SCN8A: variants seen among roughly 807,000 people sequenced by gnomAD.
SCN8A encodes the protein sodium channel protein type 8 subunit alpha.
In SCN8A, 30 loss-of-function variants were observed where a neutral mutation model predicts 184.1. The ratio of observed to expected loss-of-function variants is 0.16; its 90% CI spans 0.12 to 0.22. The LOEUF (loss-of-function observed/expected upper bound fraction) is 0.22. SCN8A is among the 10% of genes least tolerant of loss of function. The pLI, the probability that SCN8A is intolerant of heterozygous loss-of-function variation, is 1.00. For synonymous variants in SCN8A, 852 were observed against 907.0 expected (o/e 0.94, Z 1.09); for missense variants, 1,057 against 2,498.9 (o/e 0.42, Z 12.30).
chr12:51,608,972 T>C (rs181940818), intron 1 of SCN8A, among the ~76,000 whole-genome samples: 4 of 152,346 alleles, frequency 2.6e-5, no homozygotes, highest in Non-Finnish European at 4.4e-5. Flanking sequence ...TAAATTTCCA[T>C]CTTGATTTTG....
At chr12:51,799,693 A>G (rs1356096698) in intron 26 of SCN8A, among the ~76,000 whole-genome samples, 1 of 152,206 alleles carries the variant, frequency 6.6e-6, no homozygotes, top group Non-Finnish European at 1.5e-5. Flanking sequence ...CAAAACTGGC[A>G]GCCTTTCAGG....
intron 21 of SCN8A, among the ~76,000 whole-genome samples, chr12:51,782,987 G>A (rs376590049): frequency 5.3e-5 from 8 of 152,004 alleles, no homozygotes; most frequent in Non-Finnish European, 8.8e-5. Flanking sequence ...GATTTTTTTC[G>A]GTAAGATAAT....
intron 11 of SCN8A, among the ~76,000 whole-genome samples, chr12:51,709,526 A>G (rs1356306172): frequency 6.6e-6 from 1 of 152,174 alleles, no homozygotes; most frequent in East Asian, 1.9e-4. Flanking sequence ...AATTTAACAG[A>G]GATGCTTAGT....
chr12:51,620,656 G>T (rs1939940123), intron 1 of SCN8A, among the ~76,000 whole-genome samples: 2 of 151,534 alleles, frequency 1.3e-5, no homozygotes, highest in South Asian at 4.2e-4. Context: ...TTTGAATTTT[G>T]CCTTCTGAAC....
chr12:51,673,035 A>G (rs948165916), intron 2 of SCN8A, among the ~76,000 whole-genome samples: 1 of 152,024 alleles, frequency 6.6e-6, no homozygotes, highest in African/African-American at 2.4e-5. Flanking sequence ...TTTGTTTCCT[A>G]TCATTTTTAG....
chr12:51,688,862 G>A lies in SCN8A; in HGVS notation c.615-143G>A, dbSNP rs376385273. 8.8e-5 allele frequency: 142 copies of A among 1,608,500 alleles called. No individual in the cohort carries two copies. Among genetic ancestry groups the A allele is most frequent in the Non-Finnish European group, 1.1e-4 (129 of 1,175,206 alleles). The stretch of plus-strand genomic sequence containing the variant: ...TCGGTAATCCCAGGTAAGATGGTCC[G>A]GGGTTGGTGTTAGGTGTTGGGATAG... On this transcript the variant is annotated intron_variant, in intron 5 of 26. Transcript: ENST00000627620.
intron 25 of SCN8A, 124 bp from the exon 26 acceptor site, chr12:51,794,247 A>G: frequency 1.2e-6 from 1 of 858,096 alleles, no homozygotes; most frequent in Non-Finnish European, 1.8e-6. Flanking sequence ...ATAGAGCAGC[A>G]GAGCTGACCA....
chr12:51,810,375 C>A lies in SCN8A; in HGVS notation c.*2946C>A. Reference sequence around the variant, plus strand: ...TGGTAGTAAATGACACCATCACCAGCAGTTTACACCCGCAGTTAACAGGCA... The same window carrying A: ...TGGTAGTAAATGACACCATCACCAGAAGTTTACACCCGCAGTTAACAGGCA... On this transcript the variant is annotated 3_prime_UTR_variant, in exon 27 of 27. Transcript: ENST00000627620. 2.3e-6 allele frequency: 1 copy of A among 432,294 alleles called. No homozygotes were observed. Among genetic ancestry groups the A allele is most frequent in the Non-Finnish European group, 4.6e-6 (1 of 215,584 alleles). 26.8% of individuals were successfully genotyped at this position (432,294 alleles called of 1,614,324 possible).
At chr12:51,670,509 G>T (rs1462662260) in intron 2 of SCN8A, among the ~76,000 whole-genome samples, 1 of 152,174 alleles carries the variant, frequency 6.6e-6, no homozygotes, top group African/African-American at 2.4e-5. Flanking sequence ...AGGCTGGGGA[G>T]GGTGAGCTGG....
At chr12:51,786,127 C>T (rs1332259478) in intron 21 of SCN8A, among the ~76,000 whole-genome samples, 2 of 152,134 alleles carry the variant, frequency 1.3e-5, no homozygotes, top group Admixed American at 1.3e-4. Context: ...TGATTTTGAA[C>T]AATTATACCT....
At position 51,693,146 on chromosome 12, in the gene SCN8A, A is replaced by G. The variant is rs898028618; in HGVS notation, c.706+4050A>G. Among the ~76,000 whole-genome samples, 3 of 152,232 alleles carry G rather than the reference A, an allele frequency of 2.0e-5. 1 individual carries two copies. The highest frequency in any genetic ancestry group is 4.4e-5 in the Non-Finnish European group (3 of 68,040). On this transcript the variant is annotated intron_variant, in intron 6 of 26. Coordinates refer to ENST00000627620, the MANE Select transcript of SCN8A (RefSeq NM_001330260.2). ...CAAAGAAAGCATTTTCTTTAAACGT[A>G]TACTTTGTGAATGTGGCAATTTCTG... is the stretch of plus-strand genomic sequence containing the variant.
At chr12:51,713,588 G>C (rs1486950605) in intron 11 of SCN8A, 1 of 687,476 alleles carries the variant, frequency 1.5e-6, no homozygotes, top group Non-Finnish European at 2.6e-6. Flanking sequence ...GGGCGACCAG[G>C]CGGTGGTTTT....
intron 26 of SCN8A, among the ~76,000 whole-genome samples, chr12:51,794,903 T>C (rs962203745): frequency 6.6e-6 from 1 of 152,060 alleles, no homozygotes; most frequent in African/African-American, 2.4e-5. Flanking sequence ...AGAAGATTGG[T>C]TCTTGCTTTT....
chr12:51,692,374 G>A (rs1410029414), intron 6 of SCN8A, among the ~76,000 whole-genome samples: 1 of 152,190 alleles, frequency 6.6e-6, no homozygotes, highest in Admixed American at 6.5e-5. Flanking sequence ...TGGACAGTAA[G>A]GTGCATCAGT....
chr12:51,719,967 T>G (rs1287276378), intron 11 of SCN8A, among the ~76,000 whole-genome samples: 2 of 150,336 alleles, frequency 1.3e-5, no homozygotes, highest in African/African-American at 2.5e-5. Context: ...TCCCAGCTAC[T>G]CGGGAGGCTG....
At chr12:51,739,263 C>T (rs1342349260) in intron 12 of SCN8A, among the ~76,000 whole-genome samples, 1 of 152,080 alleles carries the variant, frequency 6.6e-6, no homozygotes, top group Non-Finnish European at 1.5e-5. Flanking sequence ...TAACAGGGAA[C>T]CGCCAAACCT....
chr12:51,693,718 C>CT (rs1451465111), intron 6 of SCN8A, among the ~76,000 whole-genome samples: 1 of 152,174 alleles, frequency 6.6e-6, no homozygotes, highest in Non-Finnish European at 1.5e-5. Flanking sequence ...CAGCACACTA[C>CT]TTTACCCCTA....
At chr12:51,736,692 A>C (rs1039575417) in intron 12 of SCN8A, among the ~76,000 whole-genome samples, 4 of 152,204 alleles carry the variant, frequency 2.6e-5, no homozygotes, top group Non-Finnish European at 4.4e-5. Flanking sequence ...GGTGCATTCT[A>C]CTCCTAACTG....
intron 16 of SCN8A, among the ~76,000 whole-genome samples, chr12:51,767,382 C>T (rs1035142089): frequency 1.3e-5 from 2 of 152,300 alleles, no homozygotes; most frequent in African/African-American, 4.8e-5. Flanking sequence ...CTCAGTAGTC[C>T]TTCTGCCCAT....
Sources: allele counts gnomAD v4.1 joint callset (sites outside exome capture counted in the v4.1 genomes callset), GRCh38; gene constraint gnomAD v4.1.1; transcripts MANE v1.5; gene names NCBI Gene and HGNC (gene_info 2026-07-23, HGNC 2026-07-21).